Variants in PPARGC1A observed in about 807,000 individuals in gnomAD.
PPARGC1A encodes peroxisome proliferator-activated receptor gamma coactivator 1-alpha.
PPARGC1A carries 25 observed loss-of-function variants against 88.7 expected under a neutral mutation model. That is an observed-to-expected ratio of 0.28 (90% CI 0.21 to 0.39). The LOEUF (loss-of-function observed/expected upper bound fraction) is 0.39, where lower values mean the gene tolerates loss of function less well. Among genes scored for constraint, PPARGC1A ranks in the 10% least tolerant of loss-of-function variants. PPARGC1A has a pLI of 1.00. For synonymous variants in PPARGC1A, 363 were observed against 355.6 expected (o/e 1.02, Z -0.24); for missense variants, 880 against 968.7 (o/e 0.91, Z 1.22).
chr4:23,847,832 G>C (rs1419604424), intron 2 of PPARGC1A, among the ~76,000 whole-genome samples: 1 of 152,174 alleles, frequency 6.6e-6, no homozygotes, highest in Non-Finnish European at 1.5e-5. Flanking sequence ...TGAGATTTCA[G>C]ATGACTTTAA....
At chr4:24,110,194 C>T in the PPARGC1A span, among the ~76,000 whole-genome samples, 5 of 152,158 alleles carry the variant, frequency 3.3e-5, no homozygotes, top group Non-Finnish European at 7.3e-5. Context: ...CTACCCATTT[C>T]GAGCCCAACT....
intron 10 of PPARGC1A, among the ~76,000 whole-genome samples, chr4:23,807,385 T>C (rs1188156495): frequency 6.6e-6 from 1 of 152,082 alleles, no homozygotes; most frequent in East Asian, 1.9e-4. Context: ...GTCCAAAGTG[T>C]CCCCCATTCA....
the PPARGC1A span, among the ~76,000 whole-genome samples, chr4:24,452,259 ACAC>A: frequency 7.3e-6 from 1 of 136,812 alleles, no homozygotes; most frequent in Admixed American, 7.2e-5. Flanking sequence ...ACCCCCCCAC[ACAC>A]AAACACACAC....
At chr4:24,265,597 G>T in the PPARGC1A span, among the ~76,000 whole-genome samples, 1 of 152,084 alleles carries the variant, frequency 6.6e-6, no homozygotes, top group Non-Finnish European at 1.5e-5. Flanking sequence ...CAGAAAAAAA[G>T]AAAAGAAATT....
chr4:23,834,693 G>A (rs919572534), intron 2 of PPARGC1A, among the ~76,000 whole-genome samples: 16 of 152,164 alleles, frequency 1.1e-4, no homozygotes, highest in Admixed American at 7.8e-4. Flanking sequence ...ATATGCCTTT[G>A]AAAGGACCCT....
upstream of PPARGC1A, among the ~76,000 whole-genome samples, chr4:23,890,954 T>C (rs1717770881): frequency 6.6e-6 from 1 of 152,196 alleles, no homozygotes; most frequent in African/African-American, 2.4e-5. Context: ...CCTTTTTGAA[T>C]AAACATTGAA....
chr4:24,463,685 C>T, the PPARGC1A span, among the ~76,000 whole-genome samples: 1 of 152,132 alleles, frequency 6.6e-6, no homozygotes, highest in Non-Finnish European at 1.5e-5. Flanking sequence ...GTGGTTCTTT[C>T]TCAAAATCAG....
chr4:23,796,171 G>A (rs1288606489), intron 12 of PPARGC1A, among the ~76,000 whole-genome samples: 1 of 152,042 alleles, frequency 6.6e-6, no homozygotes, highest in African/African-American at 2.4e-5. Context: ...CAGAGCACAC[G>A]TTAATATATC....
At chr4:24,227,875 C>T in the PPARGC1A span, among the ~76,000 whole-genome samples, 1 of 152,242 alleles carries the variant, frequency 6.6e-6, no homozygotes, top group Non-Finnish European at 1.5e-5. Context: ...CAAAAAATAA[C>T]TTACAGGATT....
the PPARGC1A span, among the ~76,000 whole-genome samples, chr4:24,393,602 G>A: frequency 1.3e-5 from 2 of 152,212 alleles, no homozygotes; most frequent in African/African-American, 4.8e-5. Context: ...TTATTAGTGA[G>A]TAGGGAAAAG....
chr4:24,467,623 T>G, the PPARGC1A span, among the ~76,000 whole-genome samples: 1 of 151,866 alleles, frequency 6.6e-6, no homozygotes, highest in African/African-American at 2.4e-5. Context: ...GGCTGCTTTC[T>G]GCTTTGGCTA....
At chr4:24,287,011 T>G in the PPARGC1A span, among the ~76,000 whole-genome samples, 1 of 152,308 alleles carries the variant, frequency 6.6e-6, no homozygotes, top group Non-Finnish European at 1.5e-5. Flanking sequence ...TCAGTCTTTA[T>G]AACCCAATCC....
the PPARGC1A span, among the ~76,000 whole-genome samples, chr4:24,316,881 T>C: frequency 6.6e-6 from 1 of 152,260 alleles, no homozygotes; most frequent in South Asian, 2.1e-4. Context: ...AGAACAGTTA[T>C]GACTACAAAT....
At chr4:24,175,611 C>T in the PPARGC1A span, among the ~76,000 whole-genome samples, 1 of 137,570 alleles carries the variant, frequency 7.3e-6, no homozygotes, top group South Asian at 2.4e-4. Context: ...TGGTCTCAAA[C>T]TCCTGACCTC....
At chr4:23,822,947 A>T (rs1322282960) in intron 7 of PPARGC1A, among the ~76,000 whole-genome samples, 8 of 152,106 alleles carry the variant, frequency 5.3e-5, no homozygotes, top group Non-Finnish European at 1.0e-4. Flanking sequence ...TACCTTTGTT[A>T]GAAGGTGGTG....
the PPARGC1A span, among the ~76,000 whole-genome samples, chr4:24,120,762 C>T: frequency 1.3e-5 from 2 of 152,164 alleles, no homozygotes; most frequent in African/African-American, 4.8e-5. Flanking sequence ...CTTTCCACCA[C>T]GTGAGAACCC....
the PPARGC1A span, among the ~76,000 whole-genome samples, chr4:24,220,123 T>C: frequency 3.3e-5 from 5 of 151,806 alleles, no homozygotes; most frequent in Admixed American, 1.3e-4. Context: ...ATGAAAAAAA[T>C]GCTCAATATT....
the PPARGC1A span, among the ~76,000 whole-genome samples, chr4:24,032,171 CA>C: frequency 1.4e-4 from 22 of 152,296 alleles, 1 homozygote; most frequent in South Asian, 1.7e-3. Context: ...TGCAAAGCAC[CA>C]AGCACTTTTC....
chr4:23,887,253 C>T (rs537867703), intron 1 of PPARGC1A, among the ~76,000 whole-genome samples: 117 of 152,206 alleles, frequency 7.7e-4, no homozygotes, highest in African/African-American at 2.8e-3. Context: ...GAGAAAAGTG[C>T]ATGTGTTCTT....
Sources: gnomAD v4.1 joint callset for allele counts (sites outside exome capture counted in the v4.1 genomes callset) on GRCh38, gnomAD v4.1.1 for gene constraint, MANE v1.5 for transcripts, NCBI Gene and HGNC (gene_info 2026-07-23, HGNC 2026-07-21) for gene names.